Variants in NKAIN3 observed in about 807,000 individuals in gnomAD.
The protein encoded by NKAIN3 is sodium/potassium-transporting ATPase subunit beta-1-interacting protein 3.
NKAIN3 carries 25 observed loss-of-function variants against 30.2 expected under a neutral mutation model. That is an observed-to-expected ratio of 0.83 (90% CI 0.60 to 1.16). NKAIN3 has a LOEUF of 1.16. NKAIN3 is among the 50% of genes most tolerant of loss of function. The pLI, the probability that NKAIN3 is intolerant of heterozygous loss-of-function variation, is 0.00. For missense variants in NKAIN3, 225 were observed against 254.1 expected, an observed-to-expected ratio of 0.89 and a Z score of 0.78; for synonymous variants, 91 against 89.6, an observed-to-expected ratio of 1.02 and a Z score of -0.09.
intron 1 of NKAIN3, among the ~76,000 whole-genome samples, chr8:62,475,340 T>C (rs1806484553): frequency 6.6e-6 from 1 of 152,214 alleles, no homozygotes; most frequent in Non-Finnish European, 1.5e-5. Context: ...ATATTATGAA[T>C]GAATGAGAAA....
intron 4 of NKAIN3, among the ~76,000 whole-genome samples, chr8:62,810,645 T>TTTTG (rs1554580467): frequency 1.3e-5 from 2 of 151,304 alleles, no homozygotes; most frequent in African/African-American, 4.8e-5. Flanking sequence ...AAAGTTTTTT[T>TTTTG]TTTTTTTTTT....
At chr8:62,885,473 A>T (rs1341227235) in intron 4 of NKAIN3, among the ~76,000 whole-genome samples, 1 of 152,220 alleles carries the variant, frequency 6.6e-6, no homozygotes, top group Non-Finnish European at 1.5e-5. Flanking sequence ...TGGATGAAAT[A>T]GTCAATAGAT....
At chr8:62,630,090 G>A (rs966820340) in intron 3 of NKAIN3, among the ~76,000 whole-genome samples, 14 of 151,908 alleles carry the variant, frequency 9.2e-5, no homozygotes, top group Admixed American at 3.3e-4. Flanking sequence ...TATTTTATTA[G>A]TAATATATTG....
chr8:62,953,045 T>A (rs1160461310), intron 5 of NKAIN3, among the ~76,000 whole-genome samples: 1 of 152,150 alleles, frequency 6.6e-6, no homozygotes, highest in Admixed American at 6.5e-5. Flanking sequence ...CTACTCTGTA[T>A]GGAGGCAAAA....
intron 3 of NKAIN3, among the ~76,000 whole-genome samples, chr8:62,705,600 TG>T (rs1814492599): frequency 6.6e-6 from 1 of 152,184 alleles, no homozygotes; most frequent in South Asian, 2.1e-4. Flanking sequence ...ACTTAAATAT[TG>T]GGTATTCTGG....
intron 1 of NKAIN3, among the ~76,000 whole-genome samples, chr8:62,345,097 AT>A (rs1181984534): frequency 6.6e-6 from 1 of 151,206 alleles, no homozygotes; most frequent in East Asian, 1.9e-4. Context: ...TCTTGATTTC[AT>A]TTTCAGATAT....
chr8:62,767,539 CT>C (rs886510970), intron 4 of NKAIN3, among the ~76,000 whole-genome samples: 13 of 149,890 alleles, frequency 8.7e-5, no homozygotes, highest in African/African-American at 2.0e-4. Flanking sequence ...TCGATAAACT[CT>C]TTTTTTTTTC....
rs142114836 is a variant in NKAIN3 at position 62,697,552 on chromosome 8, T to G, written c.274-49380T>G. ...TAATATTTGTTACTTTCTCACATTC[T>G]TCATAACTTGCTTACTTATGTTTGT... is the stretch of plus-strand genomic sequence containing the variant. On this transcript the variant is annotated intron_variant, in intron 3 of 6. Coordinates refer to ENST00000623646, the MANE Select transcript of NKAIN3 (RefSeq NM_001304533.3). Among the ~76,000 whole-genome samples, 847 of 152,352 alleles carry G rather than the reference T, an allele frequency of 5.6e-3. 7 individuals are homozygous for G. Among genetic ancestry groups the G allele is most frequent in the African/African-American group, 0.02 (813 of 41,578 alleles).
At position 62,302,064 on chromosome 8, in the gene NKAIN3, A is replaced by G. The variant is rs147077785; in HGVS notation, c.54+52937A>G. Among the ~76,000 whole-genome samples the G allele has an allele frequency of 1.4e-3, 208 of 152,162 alleles. 6 individuals carry two copies. The East Asian group carries it at 0.035, about 25-fold the overall frequency. ...GTTCTCACTTCCCTAATTATTCTAC[A>G]AGGCTTCCAAGATGAATAAAAACAT... On this transcript the variant is annotated intron_variant, in intron 1 of 6. Coordinates refer to ENST00000623646, the MANE Select transcript of NKAIN3 (RefSeq NM_001304533.3).
At chr8:62,947,252 T>G (rs918333337) in intron 5 of NKAIN3, among the ~76,000 whole-genome samples, 13 of 152,182 alleles carry the variant, frequency 8.5e-5, no homozygotes, top group Admixed American at 3.9e-4. Context: ...TATTAACCCC[T>G]TCCCCTCCTT....
At chr8:62,586,226 G>C (rs1810468152) in intron 2 of NKAIN3, among the ~76,000 whole-genome samples, 1 of 152,088 alleles carries the variant, frequency 6.6e-6, no homozygotes, top group South Asian at 2.1e-4. Context: ...TCCCATTCTT[G>C]AGTCACTGCT....
intron 4 of NKAIN3, among the ~76,000 whole-genome samples, chr8:62,772,058 C>A (rs943019144): frequency 6.6e-6 from 1 of 152,086 alleles, no homozygotes; most frequent in African/African-American, 2.4e-5. Context: ...TACTACCCCC[C>A]ACTATTCTTC....
At chr8:62,711,748 G>A (rs868256717) in intron 3 of NKAIN3, among the ~76,000 whole-genome samples, 3 of 152,084 alleles carry the variant, frequency 2.0e-5, no homozygotes, top group African/African-American at 7.2e-5. Flanking sequence ...GGTAAATCAT[G>A]CATTTCTTCT....
At chr8:62,363,217 G>A (rs1816621385) in intron 1 of NKAIN3, among the ~76,000 whole-genome samples, 1 of 152,144 alleles carries the variant, frequency 6.6e-6, no homozygotes, top group African/African-American at 2.4e-5. Flanking sequence ...ACTTGGTAAC[G>A]CTGTTACCCT....
intron 3 of NKAIN3, among the ~76,000 whole-genome samples, chr8:62,659,188 T>C (rs1812862144): frequency 6.6e-6 from 1 of 152,228 alleles, no homozygotes; most frequent in Non-Finnish European, 1.5e-5. Flanking sequence ...TCCACTTTGC[T>C]TGCTCTTCTC....
intron 4 of NKAIN3, among the ~76,000 whole-genome samples, chr8:62,857,740 T>C (rs1179296993): frequency 6.6e-6 from 1 of 152,224 alleles, no homozygotes; most frequent in Non-Finnish European, 1.5e-5. Flanking sequence ...AGCTTCTGCA[T>C]TGTTTTATTA....
At chr8:62,799,369 C>G (rs1464980661) in intron 4 of NKAIN3, among the ~76,000 whole-genome samples, 1 of 151,998 alleles carries the variant, frequency 6.6e-6, no homozygotes. Context: ...ACAATTGCAT[C>G]AAAAAGTAGG....
intron 1 of NKAIN3, among the ~76,000 whole-genome samples, chr8:62,566,435 T>C (rs964264969): frequency 1.3e-5 from 2 of 151,670 alleles, no homozygotes; most frequent in East Asian, 3.9e-4. Context: ...ACCTCATAAT[T>C]AATAAATGAA....
intron 3 of NKAIN3, among the ~76,000 whole-genome samples, chr8:62,615,367 T>A (rs1248429929): frequency 2.0e-5 from 3 of 152,080 alleles, no homozygotes; most frequent in African/African-American, 7.2e-5. Context: ...TCCTCCTGAA[T>A]CTTGCCCCTC....
Sources: gnomAD v4.1 joint callset for allele counts (sites outside exome capture counted in the v4.1 genomes callset) on GRCh38, gnomAD v4.1.1 for gene constraint, MANE v1.5 for transcripts, NCBI Gene and HGNC (gene_info 2026-07-23, HGNC 2026-07-21) for gene names.